PNLIPRP3: variants seen among roughly 807,000 people sequenced by gnomAD.
PNLIPRP3 encodes the protein pancreatic lipase related protein 3, also known as pancreatic lipase-related protein 3.
PNLIPRP3 carries 58 observed loss-of-function variants against 52.8 expected under a neutral mutation model. That is an observed-to-expected ratio of 1.10 (90% CI 0.89 to 1.37). The LOEUF (loss-of-function observed/expected upper bound fraction) is 1.37. PNLIPRP3 is among the 40% of genes most tolerant of loss of function. The pLI is 0.00. For missense variants in PNLIPRP3, 593 were observed against 561.6 expected, an observed-to-expected ratio of 1.06 and a Z score of -0.57; for synonymous variants, 192 against 185.0, an observed-to-expected ratio of 1.04 and a Z score of -0.31.
chr10:116,455,235 T>C (rs546527554), intron 4 of PNLIPRP3, among the ~76,000 whole-genome samples: 2 of 152,360 alleles, frequency 1.3e-5, no homozygotes, highest in East Asian at 1.9e-4. Context: ...TTTCTTGATA[T>C]TGAGTTATTT....
chr10:116,474,463 C>T (rs1316043478), intron 10 of PNLIPRP3, among the ~76,000 whole-genome samples: 2 of 152,168 alleles, frequency 1.3e-5, no homozygotes, highest in Admixed American at 1.3e-4. Context: ...TCTAATTAAA[C>T]TAAAGAGCTT....
At chr10:116,441,973 CTT>C (rs1279158189) in intron 2 of PNLIPRP3, among the ~76,000 whole-genome samples, 1 of 152,140 alleles carries the variant, frequency 6.6e-6, no homozygotes, top group Admixed American at 6.6e-5. Flanking sequence ...CTTGGAGACA[CTT>C]TACCTAGCCA....
rs765856126 is a variant in PNLIPRP3 at position 116,444,569 on chromosome 10, T to C, written c.456+56T>C. 5 of 1,519,656 alleles carry C rather than the reference T, an allele frequency of 3.3e-6. No homozygotes were observed. The South Asian group carries it at 4.7e-5, about 14-fold the overall frequency. The allele number at this position is 1,519,656 out of a possible 1,614,324, so 94.1% of individuals were successfully genotyped here. ...TTGAATTGGTTTTGGATATTAACAC[T>C]CAGAAGTTGGGACAATTTAATGTCT... On this transcript the variant is annotated intron_variant, in intron 4 of 11. Coordinates refer to ENST00000369230, the MANE Select transcript of PNLIPRP3 (RefSeq NM_001011709.3).
At chr10:116,462,563 T>G (rs1009372919) in intron 7 of PNLIPRP3, among the ~76,000 whole-genome samples, 22 of 152,110 alleles carry the variant, frequency 1.4e-4, no homozygotes, top group African/African-American at 5.3e-4. Context: ...GAAGTATATA[T>G]TTGTAATGAC....
chr10:116,465,760 T>C (rs1484508481), intron 7 of PNLIPRP3, among the ~76,000 whole-genome samples: 1 of 152,208 alleles, frequency 6.6e-6, no homozygotes, highest in East Asian at 1.9e-4. Flanking sequence ...GTCTGCCTCC[T>C]GCCACTGTCA....
intron 2 of PNLIPRP3, among the ~76,000 whole-genome samples, chr10:116,441,723 G>T (rs1845861413): frequency 6.6e-6 from 1 of 152,140 alleles, no homozygotes; most frequent in Non-Finnish European, 1.5e-5. Context: ...AGGCCATGTG[G>T]ATTTGAACTC....
At chr10:116,460,400 G>A (rs1288585827) in intron 5 of PNLIPRP3, among the ~76,000 whole-genome samples, 1 of 152,174 alleles carries the variant, frequency 6.6e-6, no homozygotes, top group Non-Finnish European at 1.5e-5. Flanking sequence ...GACGCAATGG[G>A]ATGAGAGTCT....
chr10:116,473,790 G>C (rs1846412368), intron 10 of PNLIPRP3, among the ~76,000 whole-genome samples: 1 of 151,940 alleles, frequency 6.6e-6, no homozygotes, highest in Admixed American at 6.6e-5. Context: ...CAAAATACTG[G>C]TATTATAGGC....
At chr10:116,473,808 A>G (rs113201543) in intron 10 of PNLIPRP3, among the ~76,000 whole-genome samples, 1 of 152,092 alleles carries the variant, frequency 6.6e-6, no homozygotes, top group Non-Finnish European at 1.5e-5. Flanking sequence ...GGCCTGAGCC[A>G]CCGCACCTGG....
chr10:116,437,834 C>T (rs956492558), intron 2 of PNLIPRP3, among the ~76,000 whole-genome samples: 5 of 152,092 alleles, frequency 3.3e-5, no homozygotes, highest in Admixed American at 3.3e-4. Flanking sequence ...TTCAAGTGCT[C>T]AATAGCCACA....
At chr10:116,444,536 T>A (rs770279210) in intron 4 of PNLIPRP3, 23 bp downstream of exon 4, 53 of 1,593,970 alleles carry the variant, frequency 3.3e-5, no homozygotes, top group African/African-American at 8.1e-5. Flanking sequence ...GATTTTTTTT[T>A]AATTATATTG....
chr10:116,444,448 AT>A lies in PNLIPRP3; in HGVS notation c.392del (p.Ile131ThrfsTer4), dbSNP rs1288440342. 1 of 1,613,376 alleles carries A rather than the reference AT, an allele frequency of 6.2e-7. No homozygotes were observed. Among genetic ancestry groups the A allele is most frequent in the East Asian group, 2.2e-5 (1 of 44,868 alleles). ...TTGGATCAACGGTTCACGGGAATAC[AT>A]CCATGCTGTAAACAATCTCCGTGTT... ...LDWINGSREY[I>X]HAVNNLRVVG... On this transcript the variant is annotated frameshift_variant, in exon 4 of 12. Transcript: ENST00000369230. LOFTEE classifies it high-confidence loss of function.
chr10:116,428,119 A>G, intron 1 of PNLIPRP3, 58 bp downstream of exon 1: 1 of 1,207,708 alleles, frequency 8.3e-7, no homozygotes, highest in Non-Finnish European at 1.2e-6. Context: ...TTACATCTAA[A>G]ATGTAATTGA....
intron 9 of PNLIPRP3, among the ~76,000 whole-genome samples, chr10:116,470,541 G>A (rs1382441949): frequency 6.9e-6 from 1 of 144,594 alleles, no homozygotes; most frequent in Non-Finnish European, 1.5e-5. Context: ...ATGGAGTCTT[G>A]CTCTGTCGCC....
At chr10:116,476,214 C>G (rs4529824) in intron 10 of PNLIPRP3, among the ~76,000 whole-genome samples, 126,531 of 151,624 alleles carry the variant, frequency 0.83, 54,167 homozygotes, top group Non-Finnish European at 0.94. Context: ...AAAAAGGGCA[C>G]GGGAGCACTC....
At chr10:116,455,476 G>C (rs1435084252) in intron 4 of PNLIPRP3, among the ~76,000 whole-genome samples, 1 of 152,120 alleles carries the variant, frequency 6.6e-6, no homozygotes, top group Non-Finnish European at 1.5e-5. Context: ...TGTTTCCAAG[G>C]ACCACAGGCC....
intron 9 of PNLIPRP3, among the ~76,000 whole-genome samples, chr10:116,471,419 T>C (rs1158783655): frequency 6.6e-6 from 1 of 152,154 alleles, no homozygotes; most frequent in African/African-American, 2.4e-5. Context: ...CTATAGAAAG[T>C]ATACATACTA....
intron 2 of PNLIPRP3, among the ~76,000 whole-genome samples, chr10:116,441,986 G>A (rs1408744746): frequency 6.6e-6 from 1 of 152,126 alleles, no homozygotes; most frequent in East Asian, 1.9e-4. Flanking sequence ...TACCTAGCCA[G>A]CAAATTGTAT....
chr10:116,466,456 C>T (rs1286501079), intron 8 of PNLIPRP3, among the ~76,000 whole-genome samples: 1 of 152,150 alleles, frequency 6.6e-6, no homozygotes, highest in Non-Finnish European at 1.5e-5. Flanking sequence ...TACTGTGTAA[C>T]AGGCATAAGT....
Sources: allele counts gnomAD v4.1 joint callset (sites outside exome capture counted in the v4.1 genomes callset), GRCh38; gene constraint gnomAD v4.1.1; transcripts MANE v1.5; gene names NCBI Gene and HGNC (gene_info 2026-07-23, HGNC 2026-07-21).